Variants in KAZN observed in about 807,000 individuals in gnomAD.
The protein encoded by KAZN is kazrin.
KAZN carries 40 observed loss-of-function variants against 87.4 expected under a neutral mutation model. The observed-to-expected ratio is 0.46, with a 90% CI of 0.36 to 0.60. The LOEUF is 0.60. Among genes scored for constraint, KAZN ranks in the 20% least tolerant of loss-of-function variants. The probability of loss-of-function intolerance (pLI) is 0.00; values close to 1 mark genes in which losing one functional copy is unlikely to be tolerated. For synonymous variants in KAZN, 466 were observed against 458.3 expected, an observed-to-expected ratio of 1.02 and a Z score of -0.22; for missense variants, 898 against 1,073.9, an observed-to-expected ratio of 0.84 and a Z score of 2.29.
intron 4 of KAZN, among the ~76,000 whole-genome samples, chr1:15,055,331 G>T (rs1410720792): frequency 6.6e-6 from 1 of 152,148 alleles, no homozygotes; most frequent in African/African-American, 2.4e-5. Flanking sequence ...ACAAAAATTA[G>T]CCAGGCATGG....
rs548575200 is a variant in KAZN at position 13,952,782 on chromosome 1, G to T, written c.91+59026G>T. ...GTTGCAAGGCCACTGGCCAGCCGGA[G>T]CTCAAATACCAGTAGTATCAGCTGG... is the stretch of plus-strand genomic sequence containing the variant. On this transcript the variant is annotated intron_variant, in intron 1 of 16. Transcript: ENST00000636203. 2.0e-4 allele frequency among the ~76,000 whole-genome samples: 31 copies of T among 152,298 alleles called. No individual in the cohort carries two copies. The South Asian group carries it at 3.7e-3, about 18-fold the overall frequency.
intron 1 of KAZN, among the ~76,000 whole-genome samples, chr1:13,973,340 A>AC (rs1642199918): frequency 6.6e-6 from 1 of 151,986 alleles, no homozygotes; most frequent in Non-Finnish European, 1.5e-5. Flanking sequence ...TAGGAGGCTG[A>AC]CCCCTGTGGA....
intron 2 of KAZN, among the ~76,000 whole-genome samples, chr1:15,022,047 A>G (rs1199342563): frequency 6.6e-6 from 1 of 152,148 alleles, no homozygotes; most frequent in Non-Finnish European, 1.5e-5. Flanking sequence ...GGATTCAATT[A>G]CCTTCTACCA....
intron 2 of KAZN, among the ~76,000 whole-genome samples, chr1:14,434,106 T>C (rs1162883891): frequency 6.6e-6 from 1 of 152,242 alleles, no homozygotes; most frequent in African/African-American, 2.4e-5. Context: ...CCCAAATAGA[T>C]GCATCCATTG....
At chr1:14,672,751 A>G (rs1639987934) in intron 1 of KAZN, among the ~76,000 whole-genome samples, 1 of 152,190 alleles carries the variant, frequency 6.6e-6, no homozygotes, top group South Asian at 2.1e-4. Context: ...TGCTTTGCGG[A>G]GACAGCAGCA....
intron 2 of KAZN, among the ~76,000 whole-genome samples, chr1:14,583,406 T>C (rs1239021106): frequency 6.6e-6 from 1 of 152,222 alleles, no homozygotes; most frequent in African/African-American, 2.4e-5. Flanking sequence ...GTTTCCTGCA[T>C]GCAGACATGG....
At chr1:14,369,127 A>G (rs1038146903) in intron 2 of KAZN, among the ~76,000 whole-genome samples, 1 of 152,220 alleles carries the variant, frequency 6.6e-6, no homozygotes, top group Non-Finnish European at 1.5e-5. Context: ...GCGTAGCCTC[A>G]GGAAAGAATC....
chr1:13,896,558 C>T (rs1408703284), intron 1 of KAZN, among the ~76,000 whole-genome samples: 2 of 152,156 alleles, frequency 1.3e-5, no homozygotes, highest in African/African-American at 4.8e-5. Flanking sequence ...TCCCCAGATA[C>T]TGGGATTATA....
At chr1:15,083,879 G>A (rs892151019) in intron 8 of KAZN, among the ~76,000 whole-genome samples, 103 of 152,296 alleles carry the variant, frequency 6.8e-4, no homozygotes, top group African/African-American at 2.4e-3. Flanking sequence ...AAGAACAGGC[G>A]AGAGGGCTGC....
chr1:14,534,251 T>A (rs2148485223), intron 2 of KAZN, among the ~76,000 whole-genome samples: 1 of 152,300 alleles, frequency 6.6e-6, no homozygotes, highest in East Asian at 1.9e-4. Context: ...CATTTCCAAT[T>A]GCTGTTGACA....
chr1:15,063,523 G>T (rs749457749), intron 6 of KAZN, 49 bp from the exon 7 acceptor site: 2 of 1,549,030 alleles, frequency 1.3e-6, no homozygotes, highest in African/African-American at 2.7e-5. Flanking sequence ...CTGCTCTCCT[G>T]TGTCACCTGT....
chr1:14,003,120 G>C (rs749367034), intron 1 of KAZN, among the ~76,000 whole-genome samples: 2 of 151,946 alleles, frequency 1.3e-5, no homozygotes, highest in African/African-American at 4.8e-5. Context: ...ACCAAACACC[G>C]CATGTTCTTA....
At chr1:14,380,069 G>C (rs1225173040) in intron 2 of KAZN, among the ~76,000 whole-genome samples, 2 of 152,212 alleles carry the variant, frequency 1.3e-5, no homozygotes, top group Non-Finnish European at 1.5e-5. Flanking sequence ...AAAAGAACAA[G>C]AGTCTGCCTG....
At chr1:14,283,467 G>C (rs1432534651) in intron 2 of KAZN, among the ~76,000 whole-genome samples, 3 of 152,166 alleles carry the variant, frequency 2.0e-5, no homozygotes, top group African/African-American at 7.2e-5. Flanking sequence ...AAAATTCAAA[G>C]AGCCAATAAA....
intron 1 of KAZN, among the ~76,000 whole-genome samples, chr1:14,087,630 A>G (rs1643884727): frequency 1.3e-5 from 2 of 152,030 alleles, no homozygotes; most frequent in Non-Finnish European, 2.9e-5. Context: ...GTTCCTTTCT[A>G]TTCTTATTTT....
intron 2 of KAZN, among the ~76,000 whole-genome samples, chr1:14,436,584 G>A (rs1334233033): frequency 1.3e-5 from 2 of 151,938 alleles, no homozygotes; most frequent in Non-Finnish European, 2.9e-5. Context: ...CAGGTGTGGT[G>A]GCAGGCACCT....
rs1469391874 is a variant in KAZN, at chr1:15,116,208, G to A, written c.*1573G>A. On this transcript the variant is annotated 3_prime_UTR_variant, in exon 15 of 15. Coordinates refer to ENST00000376030, the MANE Select transcript of KAZN (RefSeq NM_201628.3). ...TGCTCGACCTCCTTCAAGGCCGTTT[G>A]CACTGGGGCTTGAGTTTCCAAGATT... The A allele has an allele frequency of 6.6e-6, 1 of 152,214 alleles. No individual in the cohort carries two copies. The highest frequency in any genetic ancestry group is 1.5e-5 in the Non-Finnish European group (1 of 68,038). The allele number at this position is 152,214 out of a possible 1,614,324, so 9.4% of individuals were successfully genotyped here.
chr1:14,654,532 C>A (rs1638666904), intron 1 of KAZN, among the ~76,000 whole-genome samples: 1 of 152,068 alleles, frequency 6.6e-6, no homozygotes, highest in Non-Finnish European at 1.5e-5. Context: ...TTAAGACTCA[C>A]TCACCTAAAT....
intron 2 of KAZN, among the ~76,000 whole-genome samples, chr1:14,266,346 A>G (rs375510128): frequency 3.0e-4 from 46 of 152,300 alleles, no homozygotes; most frequent in African/African-American, 9.9e-4. Flanking sequence ...TCTATATCTC[A>G]CATCCTCAGA....
Sources: allele counts gnomAD v4.1 joint callset (sites outside exome capture counted in the v4.1 genomes callset), GRCh38; gene constraint gnomAD v4.1.1; transcripts MANE v1.5; gene names NCBI Gene and HGNC (gene_info 2026-07-23, HGNC 2026-07-21).